NLRP1: variants seen among roughly 807,000 people sequenced by gnomAD.
NLRP1 encodes NACHT, LRR and PYD domains-containing protein 1.
In NLRP1, 94 loss-of-function variants were observed where a neutral mutation model predicts 136.7. The ratio of observed to expected loss-of-function variants is 0.69; its 90% confidence interval spans 0.58 to 0.82. The LOEUF (loss-of-function observed/expected upper bound fraction) is 0.82, where lower values mean the gene tolerates loss of function less well. Among genes scored for constraint, NLRP1 ranks in the 40% least tolerant of loss-of-function variants. The pLI is 0.00. For synonymous variants in NLRP1, 690 were observed against 725.1 expected, an observed-to-expected ratio of 0.95 and a Z score of 0.78; for missense variants, 1,575 against 1,802.7, an observed-to-expected ratio of 0.87 and a Z score of 2.29.
At chr17:5,574,611 G>C (rs1372039452) in intron 3 of NLRP1, among the ~76,000 whole-genome samples, 1 of 151,780 alleles carries the variant, frequency 6.6e-6, no homozygotes, top group Non-Finnish European at 1.5e-5. Context: ...TGGATCTCTC[G>C]GCAGAAACTC....
rs142279298 is a variant in NLRP1, at chr17:5,520,016, C to T, written c.3915+865G>A. ...GCATTACAGGCATACACCACCACAC[C>T]CAGCTAATTTTTGTATTTTTAGTAG... On this transcript the variant is annotated intron_variant, in intron 14 of 16. Coordinates refer to ENST00000572272, the MANE Select transcript of NLRP1 (RefSeq NM_033004.4). 7.2e-5 allele frequency among the ~76,000 whole-genome samples: 11 copies of T among 151,882 alleles called. No individual in the cohort carries two copies. In the East Asian group the frequency reaches 2.1e-3, roughly 30 times the overall value.
chr17:5,561,489 TGC>T (rs1914748626), intron 3 of NLRP1, among the ~76,000 whole-genome samples: 1 of 37,328 alleles, frequency 2.7e-5, no homozygotes, highest in Non-Finnish European at 5.8e-5. Flanking sequence ...CAGGCCGGAC[TGC>T]GGACTGCAGT....
At chr17:5,506,562 A>G (rs920793372) in intron 15 of NLRP1, among the ~76,000 whole-genome samples, 25 of 152,166 alleles carry the variant, frequency 1.6e-4, no homozygotes, top group Non-Finnish European at 2.9e-5. Context: ...AAAATGTGGC[A>G]TAGACATACA....
chr17:5,507,861 C>T (rs8073587), intron 15 of NLRP1, among the ~76,000 whole-genome samples: 42,568 of 151,814 alleles, frequency 0.28, 6,403 homozygotes, highest in African/African-American at 0.4. Flanking sequence ...AGCGGCCAGG[C>T]GCAGTGGCTC....
downstream of NLRP1, among the ~76,000 whole-genome samples, chr17:5,509,225 T>C (rs1358952656): frequency 1.3e-5 from 2 of 152,152 alleles, no homozygotes; most frequent in East Asian, 3.9e-4. Context: ...TTCTCCTCCT[T>C]CTCATTCCTA....
intron 12 of NLRP1, chr17:5,530,031 G>A (rs966830896): frequency 7.0e-5 from 32 of 456,856 alleles, no homozygotes; most frequent in Middle Eastern, 3.2e-4. Context: ...CTCAGATGGC[G>A]TCTGATGACA....
At chr17:5,556,161 C>CACACACACATAT (rs908575596) in intron 4 of NLRP1, among the ~76,000 whole-genome samples, 10 of 118,408 alleles carry the variant, frequency 8.4e-5, no homozygotes, top group African/African-American at 1.9e-4. Flanking sequence ...CACACACACA[C>CACACACACATAT]ATGAAGGGCT....
intron 11 of NLRP1, among the ~76,000 whole-genome samples, chr17:5,530,950 C>T (rs1910158334): frequency 6.6e-6 from 1 of 152,150 alleles, no homozygotes; most frequent in Non-Finnish European, 1.5e-5. Context: ...GCTCCCATCT[C>T]CTAGTTACGA....
chr17:5,570,417 TG>T (rs1314615831), intron 3 of NLRP1, among the ~76,000 whole-genome samples: 1 of 147,148 alleles, frequency 6.8e-6, no homozygotes, highest in East Asian at 2.0e-4. Context: ...CAACCAGAAA[TG>T]ACAAAGAGGA....
chr17:5,531,604 G>A (rs926586247), intron 11 of NLRP1, among the ~76,000 whole-genome samples: 5 of 152,202 alleles, frequency 3.3e-5, no homozygotes, highest in African/African-American at 1.2e-4. Flanking sequence ...AGGCTCCTCA[G>A]GTGGGTTAAT....
chr17:5,530,474 T>G lies in NLRP1; in HGVS notation c.3520+7A>C, dbSNP rs200652517. 1.4e-4 allele frequency: 219 copies of G among 1,611,830 alleles called. 2 individuals carry two copies. The highest frequency in any genetic ancestry group is 1.9e-5 in the Non-Finnish European group (22 of 1,178,338). ...CACCTTCCTCCCTATCCTTCCCTGT[T>G]GTTTACCTTGGAGAGCCACAAAGTG... On this transcript the variant is annotated splice_region_variant and intron_variant, in intron 12 of 16. Coordinates refer to ENST00000572272, the MANE Select transcript of NLRP1 (RefSeq NM_033004.4).
At chr17:5,534,851 A>AG (rs1274503925) in intron 8 of NLRP1, among the ~76,000 whole-genome samples, 1 of 151,262 alleles carries the variant, frequency 6.6e-6, no homozygotes, top group Admixed American at 6.6e-5. Context: ...CACCTGGGCC[A>AG]CTTTTTCCTG....
In NLRP1 at chr17:5,584,420, A is replaced by G. The variant is rs1906056074; in HGVS notation, c.-463T>C. On this transcript the variant is annotated 5_prime_UTR_variant, in exon 1 of 17. Coordinates refer to ENST00000572272, the MANE Select transcript of NLRP1 (RefSeq NM_033004.4). ...AGCAGGGAATGGGCTTTCAGAACCC[A>G]GAGTGGAGCCCCGGGCTGCTGGCTC... 6.0e-6 allele frequency: 1 copy of G among 166,062 alleles called. No homozygotes were observed. The highest frequency in any genetic ancestry group is 1.3e-5 in the Non-Finnish European group (1 of 75,990). 10.3% of individuals were successfully genotyped at this position (166,062 alleles called of 1,614,324 possible).
At position 5,539,417 on chromosome 17, in the gene NLRP1, C is replaced by A; in HGVS notation, c.2868G>T (p.Leu956=). 6.2e-7 allele frequency: 1 copy of A among 1,611,580 alleles called. No homozygotes were observed. The highest frequency in any genetic ancestry group is 2.2e-5 in the East Asian group (1 of 44,862). The part of the protein sequence containing the change: ...LRHPACKLIR[L]GLDQTTLSDE... ...AGAAGGGACCCACAGGGCCTTACCC[C>A]AGGCGTATGAGTTTGCAGGCAGGAT... The change falls in exon 7 of 17, where the codon CTG becomes CTT. Residue 956 remains leucine (L), a splice_region_variant and synonymous_variant. Coordinates refer to ENST00000572272, the MANE Select transcript of NLRP1 (RefSeq NM_033004.4).
chr17:5,507,578 C>T (rs1218895713), intron 15 of NLRP1, among the ~76,000 whole-genome samples: 1 of 152,094 alleles, frequency 6.6e-6, no homozygotes, highest in Non-Finnish European at 1.5e-5. Flanking sequence ...GCCTGTAATC[C>T]CACTGGGAGG....
At chr17:5,546,427 C>T (rs910613070) in intron 5 of NLRP1, among the ~76,000 whole-genome samples, 1 of 152,162 alleles carries the variant, frequency 6.6e-6, no homozygotes, top group Non-Finnish European at 1.5e-5. Context: ...CAAGGGTCCA[C>T]CCTCATGTGT....
At chr17:5,546,909 T>C (rs1250255243) in intron 5 of NLRP1, among the ~76,000 whole-genome samples, 1 of 152,184 alleles carries the variant, frequency 6.6e-6, no homozygotes, top group East Asian at 1.9e-4. Flanking sequence ...CACATTTGCC[T>C]GATCCAGATT....
intron 14 of NLRP1, 46 bp downstream of exon 14, chr17:5,520,835 G>C: frequency 6.7e-7 from 1 of 1,490,344 alleles, no homozygotes. Flanking sequence ...TCATTCCCAG[G>C]TAGGACTTCT....
intron 15 of NLRP1, among the ~76,000 whole-genome samples, chr17:5,517,362 C>CGCCCCCG (rs1294248524): frequency 6.5e-5 from 4 of 61,562 alleles, no homozygotes; most frequent in Non-Finnish European, 1.5e-4. Context: ...CCCCCCCCCT[C>CGCCCCCG]CCACATACAC....
Sources: allele counts gnomAD v4.1 joint callset (sites outside exome capture counted in the v4.1 genomes callset), GRCh38; gene constraint gnomAD v4.1.1; transcripts MANE v1.5; gene names NCBI Gene and HGNC (gene_info 2026-07-23, HGNC 2026-07-21).